Variants in NRG2 observed in about 807,000 individuals in gnomAD.
NRG2 encodes the protein neuregulin 2.
Under a neutral mutation model 73.9 loss-of-function variants are expected in NRG2, and 27 were observed. The ratio of observed to expected loss-of-function variants is 0.37; its 90% CI spans 0.27 to 0.50. The LOEUF is 0.50. NRG2 is among the 20% of genes least tolerant of loss of function. NRG2 has a pLI of 0.96. For missense variants in NRG2, 1,126 were observed against 1,210.1 expected (o/e 0.93, Z 1.03); for synonymous variants, 532 against 541.0 (o/e 0.98, Z 0.23).
At chr5:139,936,425 G>A (rs933309107) in intron 1 of NRG2, among the ~76,000 whole-genome samples, 1 of 152,092 alleles carries the variant, frequency 6.6e-6, no homozygotes, top group Non-Finnish European at 1.5e-5. Context: ...TTTAAAAATT[G>A]TTGAAAGGAA....
At chr5:139,921,786 G>T (rs1423256301) in intron 1 of NRG2, among the ~76,000 whole-genome samples, 1 of 152,138 alleles carries the variant, frequency 6.6e-6, no homozygotes, top group Non-Finnish European at 1.5e-5. Context: ...ACTTGGCCAG[G>T]CGTGGTGGCT....
chr5:139,867,865 CA>C (rs1762588940), intron 4 of NRG2, among the ~76,000 whole-genome samples: 1 of 143,130 alleles, frequency 7.0e-6, no homozygotes, highest in South Asian at 2.2e-4. Flanking sequence ...TGGGGGAGTA[CA>C]GGGGCAGGAG....
intron 1 of NRG2, among the ~76,000 whole-genome samples, chr5:139,918,269 ACT>A (rs1751415391): frequency 6.6e-6 from 1 of 152,152 alleles, no homozygotes; most frequent in African/African-American, 2.4e-5. Context: ...CAGAGTTTAA[ACT>A]CTGGTGGTCA....
chr5:139,926,763 G>T (rs1752089385), intron 1 of NRG2, among the ~76,000 whole-genome samples: 1 of 152,144 alleles, frequency 6.6e-6, no homozygotes, highest in African/African-American at 2.4e-5. Context: ...CCACTGTCTG[G>T]TTTTCTTCTT....
chr5:139,958,045 T>C (rs1252387522), intron 1 of NRG2, among the ~76,000 whole-genome samples: 1 of 152,074 alleles, frequency 6.6e-6, no homozygotes, highest in Non-Finnish European at 1.5e-5. Flanking sequence ...GACTGGAAGG[T>C]ACCTCCTGGA....
chr5:139,991,494 C>T (rs969952414), intron 1 of NRG2, among the ~76,000 whole-genome samples: 1 of 151,888 alleles, frequency 6.6e-6, no homozygotes, highest in African/African-American at 2.4e-5. Context: ...AAGTTTCACT[C>T]GGTCGCCCAG....
intron 1 of NRG2, among the ~76,000 whole-genome samples, chr5:139,932,937 G>A (rs1268260243): frequency 6.6e-6 from 1 of 152,074 alleles, no homozygotes; most frequent in Non-Finnish European, 1.5e-5. Flanking sequence ...AAATGTAAGT[G>A]GTCTGACTCC....
chr5:139,959,309 C>T (rs1043400818), intron 1 of NRG2, among the ~76,000 whole-genome samples: 2 of 152,240 alleles, frequency 1.3e-5, no homozygotes, highest in Non-Finnish European at 2.9e-5. Flanking sequence ...AAGCGATTCT[C>T]CTGCCTCAGC....
chr5:139,987,300 G>A (rs1359632947), intron 1 of NRG2, among the ~76,000 whole-genome samples: 2 of 150,076 alleles, frequency 1.3e-5, no homozygotes, highest in Non-Finnish European at 3.0e-5. Context: ...CCCGGGAGGC[G>A]GAAGTTGCAG....
intron 1 of NRG2, among the ~76,000 whole-genome samples, chr5:140,028,737 T>C (rs533278708): frequency 6.6e-6 from 1 of 152,154 alleles, no homozygotes; most frequent in African/African-American, 2.4e-5. Flanking sequence ...TGACCGTCCT[T>C]CCACCAAAAG....
intron 1 of NRG2, among the ~76,000 whole-genome samples, chr5:139,899,812 C>T (rs949632583): frequency 4.6e-5 from 7 of 152,162 alleles, no homozygotes; most frequent in African/African-American, 1.7e-4. Flanking sequence ...TGTTGAGGGG[C>T]ATGGAAGAGC....
At chr5:140,007,601 C>G (rs1189692064) in intron 1 of NRG2, among the ~76,000 whole-genome samples, 1 of 152,028 alleles carries the variant, frequency 6.6e-6, no homozygotes, top group East Asian at 1.9e-4. Context: ...ACCTCCAGCA[C>G]CCTACTAGTC....
intron 1 of NRG2, among the ~76,000 whole-genome samples, chr5:139,960,812 A>G (rs186965241): frequency 6.6e-6 from 1 of 152,316 alleles, no homozygotes; most frequent in Admixed American, 6.5e-5. Context: ...ACCTCCCAAC[A>G]TCAGTTCAAG....
At chr5:139,965,513 C>T (rs1164757672) in intron 1 of NRG2, among the ~76,000 whole-genome samples, 3 of 152,234 alleles carry the variant, frequency 2.0e-5, no homozygotes, top group South Asian at 2.1e-4. Context: ...AGCAGGAGGC[C>T]GTGGCTTTCA....
At chr5:139,945,130 G>A (rs1313848217) in intron 1 of NRG2, among the ~76,000 whole-genome samples, 2 of 151,936 alleles carry the variant, frequency 1.3e-5, no homozygotes, top group Admixed American at 1.3e-4. Flanking sequence ...AGGTGTTTGA[G>A]TTTCTCATAT....
chr5:139,941,046 T>C (rs935661751), intron 1 of NRG2, among the ~76,000 whole-genome samples: 2 of 152,094 alleles, frequency 1.3e-5, no homozygotes, highest in Non-Finnish European at 2.9e-5. Flanking sequence ...GAATAGCATA[T>C]ACAAAGATCA....
chr5:139,977,332 C>T (rs1473668686), intron 1 of NRG2, among the ~76,000 whole-genome samples: 2 of 152,054 alleles, frequency 1.3e-5, no homozygotes, highest in African/African-American at 4.8e-5. Flanking sequence ...GATTATGAAC[C>T]ATGTCCCTAA....
chr5:139,951,179 G>A (rs1479693687), intron 1 of NRG2, among the ~76,000 whole-genome samples: 1 of 152,230 alleles, frequency 6.6e-6, no homozygotes, highest in Non-Finnish European at 1.5e-5. Context: ...GTACACATTT[G>A]CTGGATATGT....
At chr5:139,874,678 C>G (rs755242905) in intron 3 of NRG2, among the ~76,000 whole-genome samples, 2 of 152,180 alleles carry the variant, frequency 1.3e-5, no homozygotes, top group Non-Finnish European at 2.9e-5. Context: ...TTGTATCAAT[C>G]TTTTCTATTA....
Sources: allele counts gnomAD v4.1 joint callset (sites outside exome capture counted in the v4.1 genomes callset), GRCh38; gene constraint gnomAD v4.1.1; transcripts MANE v1.5; gene names NCBI Gene and HGNC (gene_info 2026-07-23, HGNC 2026-07-21).